The following SPIDR variants were observed in gnomAD, a reference collection of about 807,000 sequenced individuals.
SPIDR encodes DNA repair-scaffolding protein.
SPIDR carries 93 observed loss-of-function variants against 104.6 expected under a neutral mutation model. The ratio of observed to expected loss-of-function variants is 0.89; its 90% CI spans 0.75 to 1.06. The LOEUF is 1.06. SPIDR is among the 50% of genes least tolerant of loss of function. The probability of loss-of-function intolerance (pLI) is 0.00; values close to 1 mark genes in which losing one functional copy is unlikely to be tolerated. For missense variants in SPIDR, 1,154 were observed against 1,111.2 expected (o/e 1.04, Z -0.55); for synonymous variants, 431 against 416.9 (o/e 1.03, Z -0.41).
At chr8:47,682,009 G>A (rs2077152377) in intron 11 of SPIDR, among the ~76,000 whole-genome samples, 1 of 151,966 alleles carries the variant, frequency 6.6e-6, no homozygotes, top group African/African-American at 2.4e-5. Context: ...TATGTGCTTA[G>A]ACCAGAAGAA....
chr8:47,263,492 T>A (rs900951549), intron 1 of SPIDR, among the ~76,000 whole-genome samples: 44 of 152,308 alleles, frequency 2.9e-4, no homozygotes, highest in South Asian at 6.2e-4. Flanking sequence ...TAATTTTTTT[T>A]AAATTTTTAT....
intron 5 of SPIDR, among the ~76,000 whole-genome samples, chr8:47,309,434 G>GT (rs1311174803): frequency 5.9e-5 from 9 of 152,142 alleles, no homozygotes; most frequent in African/African-American, 2.2e-4. Context: ...ATGAAAGTGA[G>GT]TAACTGTAGG....
chr8:47,638,796 C>T (rs548215669), intron 10 of SPIDR, among the ~76,000 whole-genome samples: 3 of 152,314 alleles, frequency 2.0e-5, no homozygotes, highest in South Asian at 4.1e-4. Context: ...TTCCAGATCC[C>T]TGGTGGGCCT....
chr8:47,647,854 G>T (rs755999911), intron 10 of SPIDR, among the ~76,000 whole-genome samples: 2 of 152,124 alleles, frequency 1.3e-5, no homozygotes, highest in Admixed American at 6.6e-5. Context: ...GAGCATCTCA[G>T]CAGGGAGATC....
At chr8:47,492,797 A>G (rs1317083976) in intron 8 of SPIDR, among the ~76,000 whole-genome samples, 1 of 152,136 alleles carries the variant, frequency 6.6e-6, no homozygotes, top group African/African-American at 2.4e-5. Context: ...TCAGTATACA[A>G]GTTTTCCTTC....
chr8:47,501,793 C>G (rs1162651750), intron 8 of SPIDR, among the ~76,000 whole-genome samples: 1 of 152,044 alleles, frequency 6.6e-6, no homozygotes, highest in African/African-American at 2.4e-5. Context: ...TCATAGATAG[C>G]TCTTATTATT....
At chr8:47,300,962 T>C (rs2041977954) in intron 5 of SPIDR, among the ~76,000 whole-genome samples, 1 of 152,178 alleles carries the variant, frequency 6.6e-6, no homozygotes, top group African/African-American at 2.4e-5. Flanking sequence ...GTCTATTAGG[T>C]CCGCTTGGTC....
chr8:47,396,315 TG>T, intron 5 of SPIDR, 60 bp from the exon 6 acceptor site: 1 of 1,355,598 alleles, frequency 7.4e-7, no homozygotes, highest in Non-Finnish European at 1.0e-6. Context: ...TATATAAATG[TG>T]GACTTGAATA....
chr8:47,510,526 A>G (rs1024539902), intron 8 of SPIDR, among the ~76,000 whole-genome samples: 2 of 152,126 alleles, frequency 1.3e-5, no homozygotes, highest in African/African-American at 2.4e-5. Context: ...ACAGTTTTAG[A>G]GTTTCATAAA....
chr8:47,451,512 C>T (rs929148339), intron 8 of SPIDR, among the ~76,000 whole-genome samples: 2 of 151,806 alleles, frequency 1.3e-5, no homozygotes, highest in African/African-American at 4.8e-5. Context: ...ACCTGGGAGG[C>T]GCAGGTTGCA....
intron 11 of SPIDR, among the ~76,000 whole-genome samples, chr8:47,692,348 C>T (rs1391952927): frequency 1.3e-5 from 2 of 152,110 alleles, no homozygotes; most frequent in East Asian, 1.9e-4. Flanking sequence ...GCAGCCACTC[C>T]TCTGCTTTCC....
intron 10 of SPIDR, among the ~76,000 whole-genome samples, chr8:47,638,307 A>AATTT (rs1290736545): frequency 5.9e-5 from 9 of 152,068 alleles, no homozygotes; most frequent in Non-Finnish European, 8.8e-5. Flanking sequence ...ATACAAGTGC[A>AATTT]ATTTATTTAT....
intron 10 of SPIDR, chr8:47,653,943 A>G (rs934112221): frequency 2.5e-6 from 3 of 1,210,866 alleles, no homozygotes; most frequent in South Asian, 2.8e-5. Context: ...AAGTCTTCAT[A>G]TAAGACATGG....
At chr8:47,348,244 A>C (rs2052596843) in intron 5 of SPIDR, among the ~76,000 whole-genome samples, 1 of 152,118 alleles carries the variant, frequency 6.6e-6, no homozygotes, top group Non-Finnish European at 1.5e-5. Context: ...TGGGTTGAAA[A>C]TTCTTTTCTT....
chr8:47,383,084 G>A (rs1160185309), intron 5 of SPIDR, among the ~76,000 whole-genome samples: 2 of 152,194 alleles, frequency 1.3e-5, no homozygotes, highest in East Asian at 1.9e-4. Context: ...AGGAGTTAGG[G>A]CACTGCTGCA....
intron 10 of SPIDR, among the ~76,000 whole-genome samples, chr8:47,611,900 A>G (rs1050554939): frequency 6.6e-6 from 1 of 152,182 alleles, no homozygotes; most frequent in Non-Finnish European, 1.5e-5. Flanking sequence ...TAAACAAAAA[A>G]GGAGAACTGA....
chr8:47,663,749 G>A (rs765891277), intron 10 of SPIDR, among the ~76,000 whole-genome samples: 4 of 152,058 alleles, frequency 2.6e-5, no homozygotes, highest in Non-Finnish European at 5.9e-5. Flanking sequence ...TATAAATAAG[G>A]GCTAAAGAGC....
intron 4 of SPIDR, 66 bp from the exon 5 acceptor site, chr8:47,293,801 A>G (rs2154240234): frequency 6.8e-7 from 1 of 1,477,628 alleles, no homozygotes; most frequent in East Asian, 2.3e-5. Flanking sequence ...ACTGCTAAGA[A>G]TAAAAGAGAT....
At chr8:47,662,994 AC>A (rs888240324) in intron 10 of SPIDR, among the ~76,000 whole-genome samples, 1 of 152,160 alleles carries the variant, frequency 6.6e-6, no homozygotes, top group Non-Finnish European at 1.5e-5. Context: ...TTTATGACCC[AC>A]CCAGTCTGTG....
Sources: gnomAD v4.1 joint callset for allele counts (sites outside exome capture counted in the v4.1 genomes callset) on GRCh38, gnomAD v4.1.1 for gene constraint, MANE v1.5 for transcripts, NCBI Gene and HGNC (gene_info 2026-07-23, HGNC 2026-07-21) for gene names.